PARD3B: variants seen among roughly 807,000 people sequenced by gnomAD.
PARD3B encodes the protein par-3 family cell polarity regulator beta.
In PARD3B, 103 loss-of-function variants were observed where a neutral mutation model predicts 130.2. That is an observed-to-expected ratio of 0.79 (90% CI 0.67 to 0.93). PARD3B has a LOEUF of 0.93. PARD3B is among the 40% of genes least tolerant of loss of function. The pLI, the probability that PARD3B is intolerant of heterozygous loss-of-function variation, is 0.00. For missense variants in PARD3B, 1,609 were observed against 1,499.2 expected (o/e 1.07, Z -1.21); for synonymous variants, 583 against 553.2 (o/e 1.05, Z -0.76).
At chr2:204,576,707 T>A (rs911657446) in intron 1 of PARD3B, among the ~76,000 whole-genome samples, 1 of 152,158 alleles carries the variant, frequency 6.6e-6, no homozygotes, top group African/African-American at 2.4e-5. Context: ...ACATGTCTAG[T>A]TTCTACCCAC....
chr2:205,293,639 T>C (rs1205127986), intron 16 of PARD3B: 3 of 152,058 alleles, frequency 2.0e-5, no homozygotes, highest in African/African-American at 7.2e-5. Context: ...TAATTATGGG[T>C]AGGGCAGTAA....
intron 21 of PARD3B, among the ~76,000 whole-genome samples, chr2:205,502,725 A>G (rs1435408935): frequency 6.6e-6 from 1 of 152,198 alleles, no homozygotes; most frequent in Non-Finnish European, 1.5e-5. Context: ...GAATGAAAGT[A>G]TGCTCACTGA....
chr2:205,248,691 C>G (rs1371443651), intron 16 of PARD3B, among the ~76,000 whole-genome samples: 1 of 145,888 alleles, frequency 6.9e-6, no homozygotes, highest in Non-Finnish European at 1.5e-5. Flanking sequence ...ACTGCAAGCT[C>G]CGCCTCCCGG....
chr2:205,465,256 A>G (rs1382234994), intron 20 of PARD3B, among the ~76,000 whole-genome samples: 1 of 152,162 alleles, frequency 6.6e-6, no homozygotes, highest in African/African-American at 2.4e-5. Context: ...GACACTTGCT[A>G]ATTACTTTGC....
Position 204,971,934 on chromosome 2 carries a change from G to A in PARD3B, c.394+6611G>A, listed in dbSNP as rs1691754625. 2.7e-5 allele frequency among the ~76,000 whole-genome samples: 4 copies of A among 149,708 alleles called. No individual in the cohort carries two copies. In the Admixed American group the frequency reaches 2.7e-4, roughly 10 times the overall value. ...CAGTCCTCTTCCTCAGCCTCCCAAAGCATGAGCCACCACGCCTTGGCTGTT... is the reference window on the plus strand; with the variant it reads ...CAGTCCTCTTCCTCAGCCTCCCAAAACATGAGCCACCACGCCTTGGCTGTT... On this transcript the variant is annotated intron_variant, in intron 3 of 22. Coordinates refer to ENST00000406610, the MANE Select transcript of PARD3B (RefSeq NM_001302769.2).
In PARD3B at chr2:204,861,167, TCTCTCTCTCTCTCTCTCTCTC is replaced by T. The variant is rs2045174224; in HGVS notation, c.223-103984_223-103964del. 8.1e-5 allele frequency among the ~76,000 whole-genome samples: 3 copies of T among 37,014 alleles called. No individual in the cohort carries two copies. The African/African-American group carries it at 1.8e-3, about 22-fold the overall frequency. The allele number at this position is 37,014 out of a possible 152,430, so 24.3% of individuals were successfully genotyped here. A position where few individuals can be genotyped will look rare whatever the true frequency, so the allele number is the denominator to read the frequency against. On this transcript the variant is annotated intron_variant, in intron 2 of 22. Coordinates refer to ENST00000406610, the MANE Select transcript of PARD3B (RefSeq NM_001302769.2). ...CCTATTGCTACCTAATACCTTTCTC[TCTCTCTCTCTCTCTCTCTCTC>T]TCTCTCTCTCTCTCTCTCTCTCTCT... is the stretch of plus-strand genomic sequence containing the variant.
At chr2:204,571,058 G>A (rs1363418955) in intron 1 of PARD3B, among the ~76,000 whole-genome samples, 1 of 152,206 alleles carries the variant, frequency 6.6e-6, no homozygotes, top group African/African-American at 2.4e-5. Flanking sequence ...TAACTGAGGT[G>A]TGTAAATCCG....
chr2:205,309,421 G>C lies in PARD3B; in HGVS notation c.2630+7720G>C, dbSNP rs1020108882. On this transcript the variant is annotated intron_variant, in intron 18 of 22. Transcript: ENST00000406610. This position sits in a 1 kb window ranked among gnomAD's most constrained non-coding sequence, Gnocchi z 4.7. ...GCAAAGGTATTTTTAACAATCTAGA[G>C]GCATCAACTTTTTGTTCCTAAGCCT... Among the ~76,000 whole-genome samples, 4 of 152,062 alleles carry C rather than the reference G, an allele frequency of 2.6e-5. No individual in the cohort carries two copies. Among genetic ancestry groups the C allele is most frequent in the South Asian group, 4.2e-4 (2 of 4,812 alleles).
intron 18 of PARD3B, among the ~76,000 whole-genome samples, chr2:205,332,757 C>T (rs577647595): frequency 6.6e-6 from 1 of 152,198 alleles, no homozygotes; most frequent in East Asian, 1.9e-4. Context: ...CCTACCTACA[C>T]TAAATAGTAG....
At chr2:205,074,721 T>C (rs1379120754) in intron 4 of PARD3B, among the ~76,000 whole-genome samples, 1 of 152,140 alleles carries the variant, frequency 6.6e-6, no homozygotes, top group Non-Finnish European at 1.5e-5. Context: ...TGGCTTTTCT[T>C]TAGTCTGTAA....
intron 3 of PARD3B, among the ~76,000 whole-genome samples, chr2:204,972,592 T>C (rs1356894684): frequency 6.6e-6 from 1 of 152,182 alleles, no homozygotes; most frequent in Admixed American, 6.5e-5. Flanking sequence ...TCAAATAAAA[T>C]AGAAAATTAT....
chr2:204,847,038 ATAGAG>A (rs757739697), intron 2 of PARD3B, among the ~76,000 whole-genome samples: 6 of 152,142 alleles, frequency 3.9e-5, no homozygotes, highest in Admixed American at 2.6e-4. Context: ...TGGTTCAAGA[ATAGAG>A]TAGTCATCAC....
chr2:204,891,665 T>C (rs552613023), intron 2 of PARD3B, among the ~76,000 whole-genome samples: 1 of 152,338 alleles, frequency 6.6e-6, no homozygotes, highest in East Asian at 1.9e-4. Flanking sequence ...AGCCACATTC[T>C]TCTCTGAACT....
chr2:204,720,481 A>G (rs186771994), intron 2 of PARD3B, among the ~76,000 whole-genome samples: 152 of 152,342 alleles, frequency 1.0e-3, no homozygotes, highest in Admixed American at 1.6e-3. Context: ...AGAAGTTATC[A>G]GTCAACTGGG....
chr2:204,667,282 A>G (rs2036068809), intron 1 of PARD3B, among the ~76,000 whole-genome samples: 1 of 152,314 alleles, frequency 6.6e-6, no homozygotes, highest in Non-Finnish European at 1.5e-5. Flanking sequence ...TCTGCATAGA[A>G]ATCACCCAAT....
At chr2:205,249,788 G>A (rs759486287) in intron 16 of PARD3B, among the ~76,000 whole-genome samples, 17 of 151,938 alleles carry the variant, frequency 1.1e-4, no homozygotes, top group African/African-American at 2.7e-4. Context: ...AGACCTGCCC[G>A]GAGAAGTTAG....
At chr2:205,227,142 A>C (rs1466296563) in intron 15 of PARD3B, among the ~76,000 whole-genome samples, 1 of 152,120 alleles carries the variant, frequency 6.6e-6, no homozygotes, top group East Asian at 1.9e-4. Context: ...TAGGAGAAGA[A>C]TGTGTATTCT....
intron 20 of PARD3B, among the ~76,000 whole-genome samples, chr2:205,484,694 C>T (rs2049370952): frequency 6.6e-6 from 1 of 152,124 alleles, no homozygotes. Context: ...ATATAGATTA[C>T]AGATCAGACA....
At chr2:205,614,119 G>A (rs904325492) in intron 22 of PARD3B, among the ~76,000 whole-genome samples, 4 of 152,194 alleles carry the variant, frequency 2.6e-5, no homozygotes, top group Non-Finnish European at 5.9e-5. Context: ...TTTAAGAGCT[G>A]CAAACAGAAC....
Sources: allele counts gnomAD v4.1 joint callset (sites outside exome capture counted in the v4.1 genomes callset), GRCh38; gene constraint gnomAD v4.1.1; non-coding constraint Gnocchi (gnomAD v3.1); transcripts MANE v1.5; gene names NCBI Gene and HGNC (gene_info 2026-07-23, HGNC 2026-07-21).